The following GRM7 variants were observed in gnomAD, a reference collection of about 807,000 sequenced individuals.
GRM7 encodes the protein metabotropic glutamate receptor 7.
A neutral mutation model predicts 84.5 loss-of-function variants in GRM7; 35 were observed. That is an observed-to-expected ratio of 0.41 (90% CI 0.32 to 0.55). GRM7 has a LOEUF of 0.55. Among genes scored for constraint, GRM7 ranks in the 20% least tolerant of loss-of-function variants. GRM7 has a pLI of 0.19. For synonymous variants in GRM7, 487 were observed against 455.1 expected, an observed-to-expected ratio of 1.07 and a Z score of -0.89; for missense variants, 1,003 against 1,194.6, an observed-to-expected ratio of 0.84 and a Z score of 2.36.
At chr3:7,398,754 T>G (rs1054950340) in intron 4 of GRM7, among the ~76,000 whole-genome samples, 1 of 152,102 alleles carries the variant, frequency 6.6e-6, no homozygotes, top group Non-Finnish European at 1.5e-5. Flanking sequence ...AAGAATGACA[T>G]AAGAGCCTTA....
rs111455772 is a variant in GRM7, at chr3:7,499,412, A to G, written c.1515+37690A>G. ...GTCAATGAATTTGCAGACCTTTACA[A>G]AACCATCAAACGCTGTAATCTAGAG... is the stretch of plus-strand genomic sequence containing the variant. On this transcript the variant is annotated intron_variant, in intron 7 of 9. Coordinates refer to ENST00000357716, the MANE Select transcript of GRM7 (RefSeq NM_000844.4). Among the ~76,000 whole-genome samples, 634 of 152,290 alleles carry G rather than the reference A, an allele frequency of 4.2e-3. 4 individuals are homozygous for G. Among genetic ancestry groups the G allele is most frequent in the African/African-American group, 0.014 (594 of 41,534 alleles).
intron 2 of GRM7, among the ~76,000 whole-genome samples, chr3:7,245,572 T>C (rs886131445): frequency 6.6e-6 from 1 of 152,078 alleles, no homozygotes; most frequent in Non-Finnish European, 1.5e-5. Context: ...TAGAGTTGTA[T>C]ATCCACAGAG....
chr3:7,330,222 T>C (rs1029541510), intron 4 of GRM7, among the ~76,000 whole-genome samples: 1 of 152,158 alleles, frequency 6.6e-6, no homozygotes, highest in Non-Finnish European at 1.5e-5. Context: ...TCTTGATATG[T>C]TAGCAGCACA....
chr3:7,136,867 A>G (rs571812913), intron 1 of GRM7, among the ~76,000 whole-genome samples: 1 of 152,140 alleles, frequency 6.6e-6, no homozygotes, highest in African/African-American at 2.4e-5. Context: ...GGAGAAGAAT[A>G]AACAGATAAT....
chr3:7,477,558 T>G (rs1400360710), intron 7 of GRM7, among the ~76,000 whole-genome samples: 1 of 152,214 alleles, frequency 6.6e-6, no homozygotes. Context: ...TTAGGTGACT[T>G]CTTCAAGAGT....
intron 1 of GRM7, among the ~76,000 whole-genome samples, chr3:6,874,999 T>C (rs1695251101): frequency 6.6e-6 from 1 of 152,186 alleles, no homozygotes; most frequent in Non-Finnish European, 1.5e-5. Flanking sequence ...AGGTCAAGTG[T>C]GGGGTCTTAC....
chr3:7,568,124 G>A (rs370247211), intron 7 of GRM7, among the ~76,000 whole-genome samples: 9 of 152,278 alleles, frequency 5.9e-5, no homozygotes, highest in African/African-American at 1.9e-4. Context: ...GCTAGCTAAG[G>A]TGCCTGGAAC....
chr3:7,515,553 T>C (rs944237151), intron 7 of GRM7, among the ~76,000 whole-genome samples: 1 of 152,310 alleles, frequency 6.6e-6, no homozygotes, highest in East Asian at 1.9e-4. Context: ...TGTCAGTGTT[T>C]TACCAAGCCA....
chr3:7,129,512 G>A (rs1179764857), intron 1 of GRM7, among the ~76,000 whole-genome samples: 1 of 152,202 alleles, frequency 6.6e-6, no homozygotes, highest in African/African-American at 2.4e-5. Context: ...TGATTCATGA[G>A]AATATTTTGG....
intron 7 of GRM7, among the ~76,000 whole-genome samples, chr3:7,488,019 C>T (rs567083533): frequency 5.9e-5 from 9 of 152,298 alleles, no homozygotes; most frequent in African/African-American, 1.7e-4. Flanking sequence ...GAAGGTGGCA[C>T]ATGGAGTGAA....
chr3:6,998,119 CAAAAA>C lies in GRM7; in HGVS notation c.519+136228_519+136232del, dbSNP rs3063449. Among the ~76,000 whole-genome samples the C allele has an allele frequency of 1.8e-3, 34 of 18,434 alleles. 2 individuals are homozygous for C. The highest frequency in any genetic ancestry group is 5.1e-3 in the Admixed American group (4 of 780). 12.1% of individuals were successfully genotyped at this position (18,434 alleles called of 152,430 possible). ...GGGCAAAAACAGCAAATCTCCATCT[CAAAAA>C]AAAAAAAAAAAAAAAGCAGGTTAGT... On this transcript the variant is annotated intron_variant, in intron 1 of 9. Transcript: ENST00000357716.
In GRM7 at chr3:6,904,833, C is replaced by T. The variant is rs562984041; in HGVS notation, c.519+42926C>T. Among the ~76,000 whole-genome samples, 33 of 152,002 alleles carry T rather than the reference C, an allele frequency of 2.2e-4. No individual in the cohort carries two copies. The South Asian group carries it at 6.8e-3, about 32-fold the overall frequency. ...CCTCCTGAGCTCAAGTTATCCTCCA[C>T]CTTCAGTCTCCCAAATAATTAGAAC... On this transcript the variant is annotated intron_variant, in intron 1 of 9. Transcript: ENST00000357716.
chr3:7,393,103 A>G (rs1048660304), intron 4 of GRM7, among the ~76,000 whole-genome samples: 36 of 152,204 alleles, frequency 2.4e-4, no homozygotes, highest in African/African-American at 7.5e-4. Context: ...TGAGGTCCAC[A>G]CATATCTCAT....
intron 1 of GRM7, among the ~76,000 whole-genome samples, chr3:7,139,879 G>A (rs1474198562): frequency 6.6e-6 from 1 of 151,890 alleles, no homozygotes; most frequent in Non-Finnish European, 1.5e-5. Context: ...GATGTAAAGA[G>A]ACACCTAAAT....
intron 1 of GRM7, among the ~76,000 whole-genome samples, chr3:7,081,642 G>C (rs1377503956): frequency 6.6e-6 from 1 of 152,044 alleles, no homozygotes; most frequent in Admixed American, 6.6e-5. Context: ...AGTGAGGAAG[G>C]CATGTCAAAA....
At chr3:6,940,198 A>C (rs582586) in intron 1 of GRM7, among the ~76,000 whole-genome samples, 50,184 of 151,710 alleles carry the variant, frequency 0.33, 8,692 homozygotes, top group Non-Finnish European at 0.38. Context: ...TTCAAGCGAT[A>C]CTCCTGCCTC....
At chr3:7,641,664 G>A (rs1251800057) in intron 8 of GRM7, among the ~76,000 whole-genome samples, 1 of 152,092 alleles carries the variant, frequency 6.6e-6, no homozygotes, top group Non-Finnish European at 1.5e-5. Flanking sequence ...TACAGCCAAG[G>A]CTAATAATTA....
At chr3:7,361,920 G>T (rs1693681502) in intron 4 of GRM7, among the ~76,000 whole-genome samples, 1 of 152,042 alleles carries the variant, frequency 6.6e-6, no homozygotes, top group African/African-American at 2.4e-5. Flanking sequence ...TCAAGATTGG[G>T]AACCATAGAA....
At chr3:7,472,281 T>G (rs1281626945) in intron 7 of GRM7, among the ~76,000 whole-genome samples, 2 of 152,182 alleles carry the variant, frequency 1.3e-5, no homozygotes, top group Non-Finnish European at 2.9e-5. Flanking sequence ...CCTCAGATAT[T>G]CCTCTATAGA....
Sources: gnomAD v4.1 joint callset for allele counts (sites outside exome capture counted in the v4.1 genomes callset) on GRCh38, gnomAD v4.1.1 for gene constraint, MANE v1.5 for transcripts, NCBI Gene and HGNC (gene_info 2026-07-23, HGNC 2026-07-21) for gene names.